The following GSDMB variants were observed in gnomAD, a reference collection of about 807,000 sequenced individuals.
GSDMB encodes the protein gasdermin-B.
A neutral mutation model predicts 42.9 loss-of-function variants in GSDMB; 32 were observed. That is an observed-to-expected ratio of 0.75 (90% CI 0.56 to 1.00). GSDMB has a LOEUF of 1.00. GSDMB is among the 50% of genes least tolerant of loss of function. The pLI, the probability that GSDMB is intolerant of heterozygous loss-of-function variation, is 0.00. For missense variants in GSDMB, 468 were observed against 498.5 expected (o/e 0.94, Z 0.58); for synonymous variants, 175 against 193.7 (o/e 0.90, Z 0.80).
At position 39,912,455 on chromosome 17, in the gene GSDMB, G is replaced by A. The variant is rs140714868; in HGVS notation, c.278C>T (p.Thr93Met). 2.9e-4 allele frequency: 475 copies of A among 1,611,886 alleles called. No homozygotes were observed. The African/African-American group carries it at 3.2e-3, about 11-fold the overall frequency. ...GGGTAATCTCACTATCAACTCTCCCGTTGAGTCTACATTATCCAGAATTTG... is the reference window on the plus strand; with the variant it reads ...GGGTAATCTCACTATCAACTCTCCCATTGAGTCTACATTATCCAGAATTTG... ...EFQILDNVDS[T>M]GELIVRLPKE... The change falls in exon 3 of 11, where the codon ACG (threonine) becomes ATG (methionine). Residue 93 changes from threonine to methionine, a missense_variant. Physicochemically the swap from Thr to Met is moderately conservative, Grantham distance 81 (BLOSUM62 -1). Coordinates refer to ENST00000418519, the MANE Select transcript of GSDMB (RefSeq NM_001165958.2).
At chr17:39,917,418 AGG>A in intron 1 of GSDMB, 88 bp from the exon 2 acceptor site, 1 of 774,238 alleles carries the variant, frequency 1.3e-6, no homozygotes, top group Non-Finnish European at 2.2e-6. Context: ...CTGAGGTGTC[AGG>A]CCTCTGAACC....
At chr17:39,917,009 G>T in intron 2 of GSDMB, 73 bp downstream of exon 2, 2 of 911,158 alleles carry the variant, frequency 2.2e-6, no homozygotes, top group Non-Finnish European at 1.8e-6. Flanking sequence ...TAACAATGGG[G>T]AATTGAGAAG....
At chr17:39,906,793 G>A in intron 7 of GSDMB, 168 bp downstream of exon 7, 1 of 1,464,308 alleles carries the variant, frequency 6.8e-7, no homozygotes, top group Admixed American at 2.5e-5. Flanking sequence ...GAACCACTGT[G>A]TTTAGAGGAG....
chr17:39,904,955 C>A lies in GSDMB; in HGVS notation c.1108G>T (p.Val370Phe), dbSNP rs374858339. The change falls in exon 11 of 11, where the codon GTC (valine) becomes TTC (phenylalanine). Residue 370 changes from valine to phenylalanine, a missense_variant. Transcript: ENST00000418519. Reference protein sequence around the residue: ...LPLLKDQVKSVMEQNWDELAS... With the variant: ...LPLLKDQVKSFMEQNWDELAS... ...AGCTCATCCCAGTTCTGCTCCATGA[C>A]AGATTTCACCTGGAAGGAAACCCCC... 6 of 1,613,452 alleles carry A rather than the reference C, an allele frequency of 3.7e-6. No individual in the cohort carries two copies. The African/African-American group carries it at 8.0e-5, about 22-fold the overall frequency.
At chr17:39,906,452 G>T in intron 7 of GSDMB, 181 bp from the exon 8 acceptor site, 1 of 924,306 alleles carries the variant, frequency 1.1e-6, no homozygotes, top group South Asian at 1.8e-5. Flanking sequence ...GCCTCCCACT[G>T]ACCCCACTTC....
chr17:39,917,886 A>C (rs2063745354), intron 1 of GSDMB: 1 of 155,834 alleles, frequency 6.4e-6, no homozygotes, highest in Non-Finnish European at 1.4e-5. Context: ...TGCCTGCCTT[A>C]CTTCTAGAAC....
At chr17:39,913,104 C>A (rs1485731887) in intron 2 of GSDMB, among the ~76,000 whole-genome samples, 1 of 145,612 alleles carries the variant, frequency 6.9e-6, no homozygotes, top group Non-Finnish European at 1.5e-5. Flanking sequence ...CACTCTGCCT[C>A]TCTGCCTCAA....
At chr17:39,916,328 G>C (rs2063710233) in intron 2 of GSDMB, among the ~76,000 whole-genome samples, 1 of 135,438 alleles carries the variant, frequency 7.4e-6, no homozygotes, top group Non-Finnish European at 1.5e-5. Context: ...TGTCTCCCAG[G>C]CTGGAGTGCA....
intron 2 of GSDMB, among the ~76,000 whole-genome samples, chr17:39,914,115 T>C (rs973682799): frequency 2.0e-5 from 3 of 152,134 alleles, no homozygotes; most frequent in African/African-American, 7.2e-5. Flanking sequence ...TAGAGAAACC[T>C]GACAAACATT....
intron 2 of GSDMB, among the ~76,000 whole-genome samples, chr17:39,913,029 C>T (rs1216177557): frequency 6.6e-6 from 1 of 152,050 alleles, no homozygotes; most frequent in African/African-American, 2.4e-5. Flanking sequence ...ATCGCTTGAA[C>T]CCAGGAGGCG....
Position 39,908,942 on chromosome 17 carries a change from A to C in GSDMB, c.661+16T>G. 1 of 1,535,458 alleles carries C rather than the reference A, an allele frequency of 6.5e-7. No individual in the cohort carries two copies. Among genetic ancestry groups the C allele is most frequent in the Non-Finnish European group, 9.0e-7 (1 of 1,113,750 alleles). On this transcript the variant is annotated intron_variant, in intron 5 of 10. Coordinates refer to ENST00000418519, the MANE Select transcript of GSDMB (RefSeq NM_001165958.2). ...TTTAGGGCCCCCCATCCTGTTCTCC[A>C]TCTGCCTTTGCTTACTCATCGTCTC...
intron 3 of GSDMB, among the ~76,000 whole-genome samples, chr17:39,911,678 CAG>C (rs1338067757): frequency 2.0e-5 from 3 of 152,142 alleles, no homozygotes; most frequent in Non-Finnish European, 4.4e-5. Flanking sequence ...GGGGTCAATA[CAG>C]AGAGGTTAGT....
intron 2 of GSDMB, among the ~76,000 whole-genome samples, chr17:39,914,345 C>T (rs1346359763): frequency 6.6e-6 from 1 of 152,142 alleles, no homozygotes; most frequent in Non-Finnish European, 1.5e-5. Context: ...CTAAGATTAT[C>T]CCAAACAGGT....
At position 39,905,722 on chromosome 17, in the gene GSDMB, A is replaced by G; in HGVS notation, c.1027+125T>C. ...CCTCAATGCCTGGCCTGAGGAAGAC[A>G]TGAAGGAGTGCCCCCCATAAACTGT... On this transcript the variant is annotated intron_variant, in intron 9 of 10. Transcript: ENST00000418519. 3 of 1,134,316 alleles carry G rather than the reference A, an allele frequency of 2.6e-6. No individual in the cohort carries two copies. The South Asian group carries it at 4.4e-5, about 17-fold the overall frequency. 70.3% of individuals were successfully genotyped at this position (1,134,316 alleles called of 1,614,324 possible).
At chr17:39,912,272 G>A in intron 3 of GSDMB, 54 bp downstream of exon 3, 1 of 1,334,558 alleles carries the variant, frequency 7.5e-7, no homozygotes, top group Non-Finnish European at 1.1e-6. Context: ...GAATCCCTTG[G>A]TGCCCAAGAT....
chr17:39,912,200 A>G lies in GSDMB; in HGVS notation c.407+126T>C, dbSNP rs984458193. On this transcript the variant is annotated intron_variant, in intron 3 of 10. Transcript: ENST00000418519. ...GAGCCAGTCCCCCACAAAGCTCATG[A>G]AAAGCAGGGAAAAGAAAAATAAAAA... 14 of 673,226 alleles carry G rather than the reference A, an allele frequency of 2.1e-5. 1 individual carries two copies. The Middle Eastern group carries it at 1.7e-3, about 80-fold the overall frequency. 41.7% of individuals were successfully genotyped at this position (673,226 alleles called of 1,614,324 possible).
intron 2 of GSDMB, among the ~76,000 whole-genome samples, chr17:39,914,807 A>G (rs1014527402): frequency 1.3e-5 from 2 of 149,534 alleles, no homozygotes; most frequent in East Asian, 4.0e-4. Context: ...ATGGACTTTA[A>G]TAACAAACAC....
intron 10 of GSDMB, chr17:39,905,179 G>T: frequency 1.6e-6 from 1 of 608,498 alleles, no homozygotes; most frequent in Non-Finnish European, 2.9e-6. Flanking sequence ...CATACCAGCT[G>T]CTGTCCTGGG....
chr17:39,910,966 C>T (rs1466264253), intron 3 of GSDMB, among the ~76,000 whole-genome samples: 1 of 152,080 alleles, frequency 6.6e-6, no homozygotes, highest in African/African-American at 2.4e-5. Flanking sequence ...ATTCAAAGGA[C>T]CAGTAAAATT....
Sources: gnomAD v4.1 joint callset for allele counts (sites outside exome capture counted in the v4.1 genomes callset) on GRCh38, gnomAD v4.1.1 for gene constraint, MANE v1.5 for transcripts, NCBI Gene and HGNC (gene_info 2026-07-23, HGNC 2026-07-21) for gene names.